ADAMTS12: variants seen among roughly 807,000 people sequenced by gnomAD.
The protein encoded by ADAMTS12 is A disintegrin and metalloproteinase with thrombospondin motifs 12.
Under a neutral mutation model 167.8 loss-of-function variants are expected in ADAMTS12, and 118 were observed. The ratio of observed to expected loss-of-function variants is 0.70; its 90% confidence interval spans 0.61 to 0.82. The LOEUF is 0.82. Among genes scored for constraint, ADAMTS12 ranks in the 40% least tolerant of loss-of-function variants. The pLI is 0.00. For synonymous variants in ADAMTS12, 704 were observed against 716.9 expected (o/e 0.98, Z 0.29); for missense variants, 1,916 against 1,998.8 (o/e 0.96, Z 0.79).
At chr5:33,544,617 C>A (rs1303775530) in intron 22 of ADAMTS12, among the ~76,000 whole-genome samples, 1 of 152,150 alleles carries the variant, frequency 6.6e-6, no homozygotes, top group Non-Finnish European at 1.5e-5. Flanking sequence ...AATTATACTA[C>A]AAGGCTACAG....
At chr5:33,643,496 G>A (rs771206464) in intron 9 of ADAMTS12, 26 bp from the exon 10 acceptor site, 2 of 1,607,702 alleles carry the variant, frequency 1.2e-6, no homozygotes, top group Non-Finnish European at 8.5e-7. Flanking sequence ...CACTTCTTTT[G>A]TATTTTCAAA....
At chr5:33,688,180 T>C (rs1742412574) in intron 3 of ADAMTS12, among the ~76,000 whole-genome samples, 1 of 152,076 alleles carries the variant, frequency 6.6e-6, no homozygotes, top group African/African-American at 2.4e-5. Flanking sequence ...TCAGAACCAA[T>C]GTATGAACCA....
chr5:33,848,072 C>T (rs1331780442), intron 2 of ADAMTS12, among the ~76,000 whole-genome samples: 1 of 151,978 alleles, frequency 6.6e-6, no homozygotes, highest in Non-Finnish European at 1.5e-5. Flanking sequence ...AAAAAAGGAG[C>T]AGGGCATTGT....
Position 33,576,118 on chromosome 5 carries a change from G to T in ADAMTS12, c.3908C>A (p.Ser1303Tyr). The change falls in exon 19 of 24, where the codon TCC becomes TAC. Residue 1303 changes from serine to tyrosine, a missense_variant. By Grantham distance (144) the Ser-to-Tyr change is moderately radical (BLOSUM62 -2). Coordinates refer to ENST00000504830, the MANE Select transcript of ADAMTS12 (RefSeq NM_030955.4). ...GCCGTTTGTGAGCTGCTTGTAATTG[G>T]AGGCATTTAGCAAAAAGCCCTCAGT... ...LITEGFLLNASNYKQLTNGHG... is the reference protein window; with the variant it reads ...LITEGFLLNAYNYKQLTNGHG... 2 of 1,614,070 alleles carry T rather than the reference G, an allele frequency of 1.2e-6. No homozygotes were observed. The highest frequency in any genetic ancestry group is 1.7e-6 in the Non-Finnish European group (2 of 1,180,030).
chr5:33,699,877 A>G (rs1465162882), intron 3 of ADAMTS12, among the ~76,000 whole-genome samples: 1 of 152,222 alleles, frequency 6.6e-6, no homozygotes, highest in Admixed American at 6.5e-5. Flanking sequence ...TAACAATACA[A>G]AAACAAGCAA....
Position 33,543,264 on chromosome 5 carries a change from T to C in ADAMTS12, c.4446+2795A>G, listed in dbSNP as rs760232883. 2.8e-4 allele frequency among the ~76,000 whole-genome samples: 42 copies of C among 152,048 alleles called. 1 individual carries two copies. In the Middle Eastern group the frequency reaches 0.01, roughly 37 times the overall value. On this transcript the variant is annotated intron_variant, in intron 22 of 23. Transcript: ENST00000504830. ...ATGAAAATAAACTGGAAAACCCAGA[T>C]AAAATGGATAAATTCTTGGACACAT... is the stretch of plus-strand genomic sequence containing the variant.
At chr5:33,529,431 C>T (rs575195825) in intron 23 of ADAMTS12, among the ~76,000 whole-genome samples, 32 of 152,010 alleles carry the variant, frequency 2.1e-4, no homozygotes, top group Non-Finnish European at 4.1e-4. Context: ...TTTAAGCTTG[C>T]CTTAGGTACT....
intron 23 of ADAMTS12, among the ~76,000 whole-genome samples, chr5:33,532,574 C>G (rs539026661): frequency 6.6e-6 from 1 of 150,768 alleles, no homozygotes; most frequent in South Asian, 2.1e-4. Context: ...AAGGGTTTTG[C>G]TTTTGTTTTT....
chr5:33,661,855 C>T, intron 6 of ADAMTS12, 61 bp downstream of exon 6: 1 of 1,605,456 alleles, frequency 6.2e-7, no homozygotes, highest in Non-Finnish European at 8.5e-7. Context: ...CCTGGTAAGC[C>T]TTTCACCTGC....
chr5:33,821,865 A>G (rs1747882780), intron 2 of ADAMTS12, among the ~76,000 whole-genome samples: 1 of 152,178 alleles, frequency 6.6e-6, no homozygotes, highest in African/African-American at 2.4e-5. Flanking sequence ...TTTCTCTGCC[A>G]ACCAAGTCAC....
intron 17 of ADAMTS12, among the ~76,000 whole-genome samples, chr5:33,589,400 A>G (rs1561150284): frequency 6.6e-6 from 1 of 152,234 alleles, no homozygotes; most frequent in Non-Finnish European, 1.5e-5. Flanking sequence ...GCGATCAATC[A>G]GGGATATTGC....
chr5:33,705,411 G>A (rs570034979), intron 3 of ADAMTS12, among the ~76,000 whole-genome samples: 8 of 151,910 alleles, frequency 5.3e-5, no homozygotes, highest in South Asian at 2.1e-4. Flanking sequence ...TGAGTTCTTT[G>A]TATATTCTGG....
chr5:33,766,519 A>G (rs2112418152), intron 2 of ADAMTS12, among the ~76,000 whole-genome samples: 1 of 152,310 alleles, frequency 6.6e-6, no homozygotes, highest in Middle Eastern at 3.4e-3. Context: ...AGTTACTAGT[A>G]ACGTACCAAT....
At position 33,555,265 on chromosome 5, in the gene ADAMTS12, G is replaced by A. The variant is rs1202961718; in HGVS notation, c.4125+5762C>T. ...TTTCTCCCATATGATTTTTTTTTAA[G>A]ATGGGGTCTCACTCTGCTGCCCAGC... On this transcript the variant is annotated intron_variant, in intron 20 of 23. Coordinates refer to ENST00000504830, the MANE Select transcript of ADAMTS12 (RefSeq NM_030955.4). 3.3e-5 allele frequency among the ~76,000 whole-genome samples: 5 copies of A among 151,764 alleles called. No homozygotes were observed. In the South Asian group the frequency reaches 8.3e-4, roughly 25 times the overall value.
chr5:33,631,241 T>G (rs568259607), intron 12 of ADAMTS12, among the ~76,000 whole-genome samples: 1 of 152,214 alleles, frequency 6.6e-6, no homozygotes, highest in Non-Finnish European at 1.5e-5. Flanking sequence ...GCACTGGGCA[T>G]CTGGGGTTAG....
intron 7 of ADAMTS12, among the ~76,000 whole-genome samples, chr5:33,656,323 G>A (rs1205468392): frequency 6.6e-6 from 1 of 152,146 alleles, no homozygotes; most frequent in Non-Finnish European, 1.5e-5. Flanking sequence ...ATGTTACCAT[G>A]AGGTTCTTAA....
intron 5 of ADAMTS12, among the ~76,000 whole-genome samples, chr5:33,681,837 G>A (rs765858150): frequency 1.4e-4 from 21 of 152,106 alleles, no homozygotes; most frequent in Non-Finnish European, 2.5e-4. Context: ...AAGGAAGAGA[G>A]TAACATAACC....
intron 2 of ADAMTS12, among the ~76,000 whole-genome samples, chr5:33,764,017 A>G (rs1197332012): frequency 1.3e-5 from 2 of 152,190 alleles, no homozygotes; most frequent in Non-Finnish European, 2.9e-5. Flanking sequence ...ACAGGGCTGT[A>G]GTGCCACACA....
chr5:33,831,143 G>C (rs1748284273), intron 2 of ADAMTS12, among the ~76,000 whole-genome samples: 2 of 152,244 alleles, frequency 1.3e-5, no homozygotes, highest in South Asian at 4.1e-4. Context: ...AAAAACAATA[G>C]AGAATATTTA....
Sources: allele counts gnomAD v4.1 joint callset (sites outside exome capture counted in the v4.1 genomes callset), GRCh38; gene constraint gnomAD v4.1.1; transcripts MANE v1.5; gene names NCBI Gene and HGNC (gene_info 2026-07-23, HGNC 2026-07-21).